WNT3A: variants seen among roughly 807,000 people sequenced by gnomAD.
WNT3A encodes protein Wnt-3a.
In WNT3A, 17 loss-of-function variants were observed where a neutral mutation model predicts 37.0. The ratio of observed to expected loss-of-function variants is 0.46; its 90% CI spans 0.31 to 0.69. WNT3A has a LOEUF of 0.69. Ranked by LOEUF, WNT3A falls within the 30% of genes least tolerant of loss-of-function variation. The pLI is 0.05. For missense variants in WNT3A, 411 were observed against 510.2 expected (o/e 0.81, Z 1.87); for synonymous variants, 187 against 211.0 (o/e 0.89, Z 0.99).
In WNT3A at chr1:228,048,958, C is replaced by G. The variant is rs141141686; in HGVS notation, c.314-1698C>G. 2.3e-3 allele frequency among the ~76,000 whole-genome samples: 348 copies of G among 152,324 alleles called. 1 individual carries two copies. Among genetic ancestry groups the G allele is most frequent in the African/African-American group, 8.0e-3 (331 of 41,562 alleles). ...CCAGCCCTCCCCTACCACCCTTCTG[C>G]ACAAGCAATGCCACTTCCCCAACTT... On this transcript the variant is annotated intron_variant, in intron 2 of 3. Coordinates refer to ENST00000284523, the MANE Select transcript of WNT3A (RefSeq NM_033131.4).
intron 1 of WNT3A, among the ~76,000 whole-genome samples, chr1:228,020,519 C>T (rs2030674037): frequency 6.6e-6 from 1 of 152,216 alleles, no homozygotes; most frequent in African/African-American, 2.4e-5. Flanking sequence ...CCCGGATGGT[C>T]ATCCAGTTGC....
rs112294758 is a variant in WNT3A, at chr1:228,055,215, T to C, written c.580-3771T>C. ...ATATATATATATATATATATATATA[T>C]ATATACACACACACAATAGATTTGG... On this transcript the variant is annotated intron_variant, in intron 3 of 3. Transcript: ENST00000284523. Among the ~76,000 whole-genome samples, 44 of 101,614 alleles carry C rather than the reference T, an allele frequency of 4.3e-4. 2 individuals are homozygous for C. Among genetic ancestry groups the C allele is most frequent in the East Asian group, 1.7e-3 (5 of 2,902 alleles). The allele number at this position is 101,614 out of a possible 152,430, so 66.7% of individuals were successfully genotyped here. A position where few individuals can be genotyped will look rare whatever the true frequency, so the allele number is the denominator to read the frequency against.
At chr1:228,025,748 T>C (rs566830982) in intron 2 of WNT3A, among the ~76,000 whole-genome samples, 2 of 152,286 alleles carry the variant, frequency 1.3e-5, no homozygotes, top group East Asian at 1.9e-4. Flanking sequence ...TTTTTGATGC[T>C]ATTGTCAATG....
chr1:228,027,766 T>C (rs1405692906), intron 2 of WNT3A, among the ~76,000 whole-genome samples: 2 of 152,274 alleles, frequency 1.3e-5, no homozygotes, highest in African/African-American at 4.8e-5. Flanking sequence ...GTGCAGAAGC[T>C]TTTTAATTCA....
chr1:228,036,257 C>T (rs1279760129), intron 2 of WNT3A, among the ~76,000 whole-genome samples: 1 of 152,176 alleles, frequency 6.6e-6, no homozygotes, highest in Non-Finnish European at 1.5e-5. Flanking sequence ...GGGGCCCAGC[C>T]TCTTGTGTGT....
chr1:228,053,916 G>C (rs1273520535), intron 3 of WNT3A, among the ~76,000 whole-genome samples: 1 of 152,146 alleles, frequency 6.6e-6, no homozygotes, highest in African/African-American at 2.4e-5. Flanking sequence ...ATTTTTAAGT[G>C]TCAAATAACT....
chr1:228,015,385 T>C (rs1438113889), intron 1 of WNT3A, among the ~76,000 whole-genome samples: 1 of 152,194 alleles, frequency 6.6e-6, no homozygotes, highest in East Asian at 1.9e-4. Context: ...TCCCATCCAG[T>C]TGGGCAGTTA....
chr1:228,040,971 TTATATA>T (rs4065965), intron 2 of WNT3A, among the ~76,000 whole-genome samples: 1,969 of 138,136 alleles, frequency 0.014, 40 homozygotes, highest in African/African-American at 0.037. Flanking sequence ...GGTAGATATT[TTATATA>T]TATATATATA....
chr1:228,029,205 C>T (rs1197634018), intron 2 of WNT3A, among the ~76,000 whole-genome samples: 2 of 152,170 alleles, frequency 1.3e-5, no homozygotes, highest in South Asian at 2.1e-4. Context: ...CTAACAATGT[C>T]GGTACTAACC....
chr1:228,027,388 T>C (rs1422471818), intron 2 of WNT3A, among the ~76,000 whole-genome samples: 3 of 152,254 alleles, frequency 2.0e-5, no homozygotes, highest in Non-Finnish European at 4.4e-5. Context: ...TTGACATTCC[T>C]ACCAGCAGTG....
chr1:228,060,099 G>C lies in WNT3A; in HGVS notation c.*634G>C. On this transcript the variant is annotated 3_prime_UTR_variant, in exon 4 of 4. Transcript: ENST00000284523. ...GGCCTGCATAGGCTCCTTCCTGTGGGTGGGGCTTCTCTGGGACCAGGCTCC... is the reference window on the plus strand; with the variant it reads ...GGCCTGCATAGGCTCCTTCCTGTGGCTGGGGCTTCTCTGGGACCAGGCTCC... The C allele has an allele frequency of 7.9e-7, 1 of 1,269,130 alleles. No individual in the cohort carries two copies. The highest frequency in any genetic ancestry group is 1.0e-6 in the Non-Finnish European group (1 of 979,866). 78.6% of individuals were successfully genotyped at this position (1,269,130 alleles called of 1,614,324 possible).
intron 3 of WNT3A, among the ~76,000 whole-genome samples, chr1:228,053,741 G>C (rs1006373642): frequency 2.0e-5 from 3 of 152,182 alleles, no homozygotes; most frequent in Admixed American, 6.5e-5. Context: ...TCAATGTTAT[G>C]AGTCATCAAG....
At chr1:228,058,462 C>T (rs1437354520) in intron 3 of WNT3A, among the ~76,000 whole-genome samples, 1 of 152,224 alleles carries the variant, frequency 6.6e-6, no homozygotes, top group Non-Finnish European at 1.5e-5. Context: ...CTGCCCGGTC[C>T]CCCAACAGCC....
In WNT3A at chr1:228,050,549, C is replaced by T; in HGVS notation, c.314-107C>T. ...CTCTTTGCCTTATACACCACCCAAC[C>T]TCACGAGTTCCTTTATAACAATGCA... On this transcript the variant is annotated intron_variant, in intron 2 of 3. Coordinates refer to ENST00000284523, the MANE Select transcript of WNT3A (RefSeq NM_033131.4). This position sits in a 1 kb window ranked among gnomAD's most constrained non-coding sequence, Gnocchi z 5.0. 1 of 1,396,164 alleles carries T rather than the reference C, an allele frequency of 7.2e-7. No homozygotes were observed. The highest frequency in any genetic ancestry group is 1.9e-4 in the Middle Eastern group (1 of 5,346). 86.5% of individuals were successfully genotyped at this position (1,396,164 alleles called of 1,614,324 possible).
chr1:228,015,807 T>C (rs2030515376), intron 1 of WNT3A, among the ~76,000 whole-genome samples: 1 of 148,818 alleles, frequency 6.7e-6, no homozygotes, highest in Non-Finnish European at 1.5e-5. Flanking sequence ...TTTGCATGCC[T>C]ACAAAGCGTG....
chr1:228,029,486 G>T (rs920025117), intron 2 of WNT3A, among the ~76,000 whole-genome samples: 1 of 152,178 alleles, frequency 6.6e-6, no homozygotes, highest in Non-Finnish European at 1.5e-5. Flanking sequence ...CCGAAGGAAG[G>T]CTACTCAGAC....
At chr1:228,028,889 G>A (rs960339755) in intron 2 of WNT3A, among the ~76,000 whole-genome samples, 1 of 152,092 alleles carries the variant, frequency 6.6e-6, no homozygotes, top group Non-Finnish European at 1.5e-5. Context: ...AACTTTCAAG[G>A]TTTTCAAAGA....
Position 228,039,218 on chromosome 1 carries a change from CAGACTG to C in WNT3A, c.314-11437_314-11432del, listed in dbSNP as rs2031217575. ...GTGAGCATGGGTCAACATCAAGAAG[CAGACTG>C]GGCAAAGGCGGCATCCCAAGCTCCT... On this transcript the variant is annotated intron_variant, in intron 2 of 3. Transcript: ENST00000284523. This position sits in a 1 kb window ranked among gnomAD's most constrained non-coding sequence, Gnocchi z 4.1. 6.6e-6 allele frequency among the ~76,000 whole-genome samples: 1 copy of C among 152,276 alleles called. No individual in the cohort carries two copies. The highest frequency in any genetic ancestry group is 1.9e-4 in the East Asian group (1 of 5,176).
At position 228,060,390 on chromosome 1, in the gene WNT3A, C is replaced by A; in HGVS notation, c.*925C>A. Reference sequence around the variant, plus strand: ...CTTTGGAATGCTCCAGGCGCGCCGACGCCTGTGCCACCCCTTCCTCAGCCT... The same window carrying A: ...CTTTGGAATGCTCCAGGCGCGCCGAAGCCTGTGCCACCCCTTCCTCAGCCT... On this transcript the variant is annotated 3_prime_UTR_variant, in exon 4 of 4. Coordinates refer to ENST00000284523, the MANE Select transcript of WNT3A (RefSeq NM_033131.4). 9.6e-7 allele frequency: 1 copy of A among 1,037,522 alleles called. No homozygotes were observed. The highest frequency in any genetic ancestry group is 1.3e-6 in the Non-Finnish European group (1 of 755,930). The allele number at this position is 1,037,522 out of a possible 1,614,324, so 64.3% of individuals were successfully genotyped here.
Sources: gnomAD v4.1 joint callset for allele counts (sites outside exome capture counted in the v4.1 genomes callset) on GRCh38, gnomAD v4.1.1 for gene constraint, Gnocchi (gnomAD v3.1) non-coding constraint, MANE v1.5 for transcripts, NCBI Gene and HGNC (gene_info 2026-07-23, HGNC 2026-07-21) for gene names.